KCNIP4: variants seen among roughly 807,000 people sequenced by gnomAD.
KCNIP4 encodes Kv channel-interacting protein 4.
KCNIP4 carries 12 observed loss-of-function variants against 34.0 expected under a neutral mutation model. The observed-to-expected ratio is 0.35, with a 90% confidence interval of 0.23 to 0.57. The LOEUF (loss-of-function observed/expected upper bound fraction) is 0.57, where lower values mean the gene tolerates loss of function less well. Among genes scored for constraint, KCNIP4 ranks in the 20% least tolerant of loss-of-function variants. The pLI is 0.83. For missense variants in KCNIP4, 238 were observed against 311.7 expected (o/e 0.76, Z 1.78); for synonymous variants, 124 against 102.2 (o/e 1.21, Z -1.29).
intron 1 of KCNIP4, among the ~76,000 whole-genome samples, chr4:21,928,131 C>CACACAT (rs1729374018): frequency 9.5e-6 from 1 of 105,804 alleles, no homozygotes; most frequent in African/African-American, 2.8e-5. Context: ...TATATATACA[C>CACACAT]ACACACACAC....
Position 20,753,308 on chromosome 4 carries a change from C to A in KCNIP4, c.359-3576G>T, listed in dbSNP as rs189095756. Among the ~76,000 whole-genome samples the A allele has an allele frequency of 5.9e-5, 9 of 152,138 alleles. No individual in the cohort carries two copies. The East Asian group carries it at 9.7e-4, about 16-fold the overall frequency. On this transcript the variant is annotated intron_variant, in intron 4 of 8. Transcript: ENST00000382152. ...ATCGAGGATACTAGAGTAGAAAAAACCCCTAGGATTCCTTTGGTGTGACTC... is the reference window on the plus strand; with the variant it reads ...ATCGAGGATACTAGAGTAGAAAAAAACCCTAGGATTCCTTTGGTGTGACTC...
At chr4:21,361,961 G>T (rs16870925) in intron 1 of KCNIP4, among the ~76,000 whole-genome samples, 5 of 151,784 alleles carry the variant, frequency 3.3e-5, no homozygotes, top group Admixed American at 2.0e-4. Context: ...CCGTCACACC[G>T]TCAGAGAATA....
At chr4:21,644,620 C>T (rs553448082) in intron 1 of KCNIP4, among the ~76,000 whole-genome samples, 16 of 152,234 alleles carry the variant, frequency 1.1e-4, no homozygotes, top group East Asian at 1.9e-4. Flanking sequence ...TTTTAGTCAA[C>T]GCCTGGGTTT....
intron 1 of KCNIP4, among the ~76,000 whole-genome samples, chr4:21,929,319 T>C (rs1729435489): frequency 6.6e-6 from 1 of 152,104 alleles, no homozygotes; most frequent in Non-Finnish European, 1.5e-5. Flanking sequence ...ATTTATTTTA[T>C]GGAAAAAAAG....
At chr4:20,878,489 C>A (rs140762895) in intron 2 of KCNIP4, among the ~76,000 whole-genome samples, 7 of 152,242 alleles carry the variant, frequency 4.6e-5, no homozygotes, top group Middle Eastern at 3.4e-3. Context: ...CATCATATTA[C>A]CACAGGTTTA....
intron 1 of KCNIP4, among the ~76,000 whole-genome samples, chr4:20,972,335 AG>A (rs2149678783): frequency 6.6e-6 from 1 of 152,348 alleles, no homozygotes; most frequent in African/African-American, 2.4e-5. Context: ...TGGCAGCTAT[AG>A]CCTTACAAAA....
At chr4:20,983,354 T>C (rs1009615873) in intron 1 of KCNIP4, among the ~76,000 whole-genome samples, 2 of 152,196 alleles carry the variant, frequency 1.3e-5, no homozygotes, top group Non-Finnish European at 2.9e-5. Flanking sequence ...TTACCCATTT[T>C]ATATCATAAT....
chr4:20,734,480 T>C lies in KCNIP4; in HGVS notation c.537+148A>G, dbSNP rs61184728. 8.9e-3 allele frequency: 3,988 copies of C among 449,178 alleles called. 115 individuals carry two copies. The highest frequency in any genetic ancestry group is 0.067 in the African/African-American group (3,262 of 48,636). The allele number at this position is 449,178 out of a possible 1,614,324, so 27.8% of individuals were successfully genotyped here. A position where few individuals can be genotyped will look rare whatever the true frequency, so the allele number is the denominator to read the frequency against. On this transcript the variant is annotated intron_variant, in intron 6 of 8. Transcript: ENST00000382152. The stretch of plus-strand genomic sequence containing the variant: ...CACCATAAACTACTTCTATCCCAAG[T>C]TTTTAATTGTACATCTTTCTTCCAC...
At chr4:21,701,291 A>G (rs1174254215) in intron 1 of KCNIP4, among the ~76,000 whole-genome samples, 1 of 152,186 alleles carries the variant, frequency 6.6e-6, no homozygotes, top group Non-Finnish European at 1.5e-5. Context: ...TGTTGGTCAA[A>G]GGTTACAAAG....
intron 1 of KCNIP4, among the ~76,000 whole-genome samples, chr4:21,840,702 C>G (rs1186439872): frequency 2.0e-5 from 3 of 152,120 alleles, no homozygotes; most frequent in African/African-American, 4.8e-5. Flanking sequence ...TACCTTTTCA[C>G]TAAAATTTTA....
At position 20,882,680 on chromosome 4, in the gene KCNIP4, G is replaced by A. The variant is rs372219373; in HGVS notation, c.91C>T (p.Arg31Cys). The A allele has an allele frequency of 7.4e-6, 12 of 1,613,460 alleles. No individual in the cohort carries two copies. Among genetic ancestry groups the A allele is most frequent in the South Asian group, 2.2e-5 (2 of 91,064 alleles). The change falls in exon 2 of 9, where the codon CGC becomes TGC. Residue 31 changes from arginine to cysteine, a missense_variant. Transcript: ENST00000382152. ...TTCATGAGCCGCTCTTTAATGCTGC[G>A]CTTGGTGCTGTTCTGAGCGTACAGG... ...GFLYAQNSTK[R>C]SIKERLMKLL...
intron 1 of KCNIP4, among the ~76,000 whole-genome samples, chr4:21,446,194 A>G (rs1727972631): frequency 6.6e-6 from 1 of 152,178 alleles, no homozygotes; most frequent in African/African-American, 2.4e-5. Context: ...AACTAGTTCA[A>G]CAATTGTGGA....
intron 3 of KCNIP4, among the ~76,000 whole-genome samples, chr4:20,800,812 T>C (rs1714133758): frequency 6.6e-6 from 1 of 152,038 alleles, no homozygotes; most frequent in African/African-American, 2.4e-5. Context: ...CAAATAAATA[T>C]TTGCATTATG....
At chr4:21,274,763 T>G (rs1443527125) in intron 1 of KCNIP4, among the ~76,000 whole-genome samples, 1 of 152,138 alleles carries the variant, frequency 6.6e-6, no homozygotes, top group East Asian at 1.9e-4. Flanking sequence ...AGTTTTAAAT[T>G]TATTAATACC....
At chr4:21,305,629 T>C (rs1712375891) in intron 1 of KCNIP4, among the ~76,000 whole-genome samples, 1 of 152,168 alleles carries the variant, frequency 6.6e-6, no homozygotes. Flanking sequence ...TTGAAGAGCA[T>C]CCTTTTCTCT....
At chr4:21,222,869 G>A (rs890840469) in intron 1 of KCNIP4, among the ~76,000 whole-genome samples, 4 of 152,208 alleles carry the variant, frequency 2.6e-5, no homozygotes, top group Non-Finnish European at 5.9e-5. Flanking sequence ...CAGGAGGCAA[G>A]TTGTTGGCAT....
At chr4:21,082,074 T>C (rs1436611584) in intron 1 of KCNIP4, among the ~76,000 whole-genome samples, 1 of 151,930 alleles carries the variant, frequency 6.6e-6, no homozygotes, top group East Asian at 1.9e-4. Context: ...GGATATGAAT[T>C]GATCCTGCTA....
chr4:21,086,808 ACAAT>A lies in KCNIP4; in HGVS notation c.62-204103_62-204100del, dbSNP rs1746474587. Among the ~76,000 whole-genome samples, 3 of 152,028 alleles carry A rather than the reference ACAAT, an allele frequency of 2.0e-5. No individual in the cohort carries two copies. In the South Asian group the frequency reaches 6.2e-4, roughly 31 times the overall value. ...CTCTGTTGGTTAAAATCTCTCTAAA[ACAAT>A]CAAAGAATGCTACCTAGTCTTCACA... is the stretch of plus-strand genomic sequence containing the variant. On this transcript the variant is annotated intron_variant, in intron 1 of 8. Coordinates refer to ENST00000382152, the MANE Select transcript of KCNIP4 (RefSeq NM_025221.6).
intron 1 of KCNIP4, among the ~76,000 whole-genome samples, chr4:21,571,879 T>G (rs987712400): frequency 6.6e-6 from 1 of 152,174 alleles, no homozygotes; most frequent in African/African-American, 2.4e-5. Flanking sequence ...TTGCTGAGTA[T>G]TTTGCTTACA....
Sources: allele counts gnomAD v4.1 joint callset (sites outside exome capture counted in the v4.1 genomes callset), GRCh38; gene constraint gnomAD v4.1.1; transcripts MANE v1.5; gene names NCBI Gene and HGNC (gene_info 2026-07-23, HGNC 2026-07-21).